Variants in GATAD2B observed in about 807,000 individuals in gnomAD.
The protein encoded by GATAD2B is transcriptional repressor p66-beta.
A neutral mutation model predicts 64.3 loss-of-function variants in GATAD2B; 8 were observed. That is an observed-to-expected ratio of 0.12 (90% CI 0.07 to 0.22). GATAD2B has a LOEUF of 0.22. Ranked by LOEUF, GATAD2B falls within the 10% of genes least tolerant of loss-of-function variation. The probability of loss-of-function intolerance (pLI) is 1.00; values close to 1 mark genes in which losing one functional copy is unlikely to be tolerated. For missense variants in GATAD2B, 453 were observed against 752.0 expected (o/e 0.60, Z 4.65); for synonymous variants, 281 against 271.3 (o/e 1.04, Z -0.35).
At chr1:153,883,798 C>A (rs1023105916) in intron 1 of GATAD2B, among the ~76,000 whole-genome samples, 3 of 151,486 alleles carry the variant, frequency 2.0e-5, no homozygotes, top group Admixed American at 6.6e-5. Flanking sequence ...TGAGTTAAAT[C>A]TTCAACATTG....
intron 1 of GATAD2B, among the ~76,000 whole-genome samples, chr1:153,849,773 G>A (rs1460515382): frequency 5.3e-5 from 8 of 152,092 alleles, no homozygotes; most frequent in Admixed American, 5.2e-4. Flanking sequence ...TGGGATTACA[G>A]ACATGTGCCA....
At chr1:153,921,358 T>C (rs1364095465) in intron 1 of GATAD2B, among the ~76,000 whole-genome samples, 1 of 152,176 alleles carries the variant, frequency 6.6e-6, no homozygotes, top group Non-Finnish European at 1.5e-5. Flanking sequence ...ACCACATGCA[T>C]GCTTTTCTAC....
chr1:153,853,895 T>C (rs1302115315), intron 1 of GATAD2B, among the ~76,000 whole-genome samples: 3 of 152,050 alleles, frequency 2.0e-5, no homozygotes, highest in Non-Finnish European at 4.4e-5. Flanking sequence ...TATTCTTGAG[T>C]CCAAACATAA....
chr1:153,919,923 T>C (rs979981241), intron 1 of GATAD2B, among the ~76,000 whole-genome samples: 1 of 152,260 alleles, frequency 6.6e-6, no homozygotes, highest in Non-Finnish European at 1.5e-5. Flanking sequence ...GTCCCAGTTA[T>C]GGCTCAAATC....
At chr1:153,862,984 A>C (rs1203105448) in intron 1 of GATAD2B, among the ~76,000 whole-genome samples, 1 of 151,904 alleles carries the variant, frequency 6.6e-6, no homozygotes, top group Non-Finnish European at 1.5e-5. Flanking sequence ...TCGGCCTCCC[A>C]AAGTGCTGGG....
chr1:153,884,368 G>A (rs866352199), intron 1 of GATAD2B, among the ~76,000 whole-genome samples: 15 of 152,252 alleles, frequency 9.9e-5, no homozygotes, highest in Admixed American at 2.0e-4. Context: ...GCCTGAACCC[G>A]GGAGGCAGAG....
intron 1 of GATAD2B, among the ~76,000 whole-genome samples, chr1:153,917,028 G>A (rs759367171): frequency 2.0e-5 from 3 of 150,690 alleles, no homozygotes; most frequent in Admixed American, 6.6e-5. Context: ...GGCGGGTCTT[G>A]AACTCCTGAC....
chr1:153,828,099 G>C lies in GATAD2B; in HGVS notation c.249C>G (p.Leu83=), dbSNP rs751760999. ...CAGTCCTGTTGTCTCCATGAGGCCT[G>C]AGATTCCCGTTAAGTTTTTCTTCAT... ...KGYEEKLNGN[L]RPHGDNRTAG... Residue 83 remains leucine, a synonymous_variant, in exon 2 of 11, where the codon CTC becomes CTG. Coordinates refer to ENST00000368655, the MANE Select transcript of GATAD2B (RefSeq NM_020699.4). 1.1e-5 allele frequency: 18 copies of C among 1,614,142 alleles called. No individual in the cohort carries two copies. Among genetic ancestry groups the C allele is most frequent in the Non-Finnish European group, 1.4e-5 (17 of 1,180,018 alleles).
At chr1:153,862,183 C>T (rs537601017) in intron 1 of GATAD2B, among the ~76,000 whole-genome samples, 12 of 136,434 alleles carry the variant, frequency 8.8e-5, no homozygotes, top group East Asian at 2.2e-4. Flanking sequence ...AGTGCAGCGG[C>T]GTGATCTCAG....
chr1:153,879,566 A>C (rs955872951), intron 1 of GATAD2B, among the ~76,000 whole-genome samples: 2 of 151,932 alleles, frequency 1.3e-5, no homozygotes, highest in Non-Finnish European at 2.9e-5. Context: ...GATCGAGACC[A>C]TCCTGGCCAA....
At position 153,817,539 on chromosome 1, in the gene GATAD2B, G is replaced by T; in HGVS notation, c.733C>A (p.His245Asn). Residue 245 changes from histidine (H) to asparagine (N), a missense_variant, in exon 6 of 11, where the codon CAC becomes AAC. This residue lies in a region of GATAD2B where 293 missense variants were observed against 417.2 expected (regional missense o/e 0.70). Transcript: ENST00000368655. ...EPQNLRTLQG[H>N]SVIRSATNTT... ...TTGGTAGCTGAACGGATGACACTGT[G>T]ACCCTGGAGGGGAAGAAGAGGAAAA... 2 of 1,587,062 alleles carry T rather than the reference G, an allele frequency of 1.3e-6. No individual in the cohort carries two copies. Among genetic ancestry groups the T allele is most frequent in the African/African-American group, 1.4e-5 (1 of 73,962 alleles).
At chr1:153,833,597 C>CTAAG (rs942825218) in intron 1 of GATAD2B, among the ~76,000 whole-genome samples, 2 of 151,948 alleles carry the variant, frequency 1.3e-5, no homozygotes, top group African/African-American at 4.8e-5. Flanking sequence ...GGTGGATCAC[C>CTAAG]TAAGGTCAAG....
At position 153,806,792 on chromosome 1, in the gene GATAD2B, G is replaced by A. The variant is rs1452264691; in HGVS notation, c.*3385C>T. 1.3e-5 allele frequency: 2 copies of A among 151,744 alleles called. No individual in the cohort carries two copies. Among genetic ancestry groups the A allele is most frequent in the Non-Finnish European group, 2.9e-5 (2 of 67,890 alleles). 9.4% of individuals were successfully genotyped at this position (151,744 alleles called of 1,614,324 possible). A position where few individuals can be genotyped will look rare whatever the true frequency, so the allele number is the denominator to read the frequency against. On this transcript the variant is annotated 3_prime_UTR_variant, in exon 11 of 11. Transcript: ENST00000368655. The stretch of plus-strand genomic sequence containing the variant: ...GGGGGTAGGGGGTGTGGAGAGAAGG[G>A]TTATGCCTTCTGGAGGAGTGGGGAG...
intron 1 of GATAD2B, among the ~76,000 whole-genome samples, chr1:153,843,377 C>T (rs1313042484): frequency 4.6e-5 from 7 of 152,078 alleles, no homozygotes; most frequent in East Asian, 1.9e-4. Flanking sequence ...AATCTGCAGC[C>T]TCAAATTCCT....
chr1:153,818,229 A>ACAT, intron 4 of GATAD2B, 58 bp from the exon 5 acceptor site: 1 of 1,459,684 alleles, frequency 6.9e-7, no homozygotes, highest in Non-Finnish European at 9.3e-7. Flanking sequence ...GAAATTTGGT[A>ACAT]CATTTCTAGA....
chr1:153,830,205 G>A (rs1161349104), intron 1 of GATAD2B, among the ~76,000 whole-genome samples: 1 of 152,124 alleles, frequency 6.6e-6, no homozygotes, highest in African/African-American at 2.4e-5. Context: ...GGAGTGGAGT[G>A]GTGAGATCTC....
At chr1:153,866,445 T>C (rs1676477817) in intron 1 of GATAD2B, among the ~76,000 whole-genome samples, 1 of 152,190 alleles carries the variant, frequency 6.6e-6, no homozygotes, top group African/African-American at 2.4e-5. Context: ...ACGATTTGTC[T>C]TCTAAACTGT....
chr1:153,831,703 G>A (rs1675081053), intron 1 of GATAD2B, among the ~76,000 whole-genome samples: 1 of 152,092 alleles, frequency 6.6e-6, no homozygotes, highest in Admixed American at 6.6e-5. Context: ...ACTAGAAAGT[G>A]GAGTGCTATA....
At chr1:153,815,280 C>CAAAACAAAA (rs1674428829) in intron 7 of GATAD2B, among the ~76,000 whole-genome samples, 4 of 66,626 alleles carry the variant, frequency 6.0e-5, no homozygotes, top group Non-Finnish European at 1.1e-4. Context: ...CTCAAAAAAA[C>CAAAACAAAA]AAAAAAAAAA....
Sources: allele counts gnomAD v4.1 joint callset (sites outside exome capture counted in the v4.1 genomes callset), GRCh38; gene constraint gnomAD v4.1.1; regional missense constraint gnomAD v4.1.1; transcripts MANE v1.5; gene names NCBI Gene and HGNC (gene_info 2026-07-23, HGNC 2026-07-21).